The following USP6NL variants were observed in gnomAD, a reference collection of about 807,000 sequenced individuals.
USP6NL encodes USP6 N-terminal-like protein.
In USP6NL, 26 loss-of-function variants were observed where a neutral mutation model predicts 61.9. The observed-to-expected ratio is 0.42, with a 90% CI of 0.31 to 0.58. USP6NL has a LOEUF of 0.58. Among genes scored for constraint, USP6NL ranks in the 20% least tolerant of loss-of-function variants. USP6NL has a pLI of 0.16. For synonymous variants in USP6NL, 432 were observed against 390.1 expected (o/e 1.11, Z -1.27); for missense variants, 1,114 against 1,034.3 (o/e 1.08, Z -1.06).
Position 11,537,687 on chromosome 10 carries a change from T to C in USP6NL, c.5-10120A>G, listed in dbSNP as rs756687944. Among the ~76,000 whole-genome samples, 16 of 152,198 alleles carry C rather than the reference T, an allele frequency of 1.1e-4. No individual in the cohort carries two copies. Among genetic ancestry groups the C allele is most frequent in the African/African-American group, 2.9e-4 (12 of 41,452 alleles). On this transcript the variant is annotated intron_variant, in intron 2 of 14. Transcript: ENST00000609104. This position sits in a 1 kb window ranked among gnomAD's most constrained non-coding sequence, Gnocchi z 5.1. Reference sequence around the variant, plus strand: ...CCAGTTGCCAAGCAAGTAGGGTCAGTGGGGCTGGGGAGGATGCAGCAAAGC... The same window carrying C: ...CCAGTTGCCAAGCAAGTAGGGTCAGCGGGGCTGGGGAGGATGCAGCAAAGC...
chr10:11,552,190 G>T (rs1269356394), intron 2 of USP6NL, among the ~76,000 whole-genome samples: 2 of 152,076 alleles, frequency 1.3e-5, no homozygotes, highest in African/African-American at 2.4e-5. Context: ...AAAAACAAAG[G>T]TTATATTCAG....
rs765305258 is a variant in USP6NL, at chr10:11,548,750, C to G, written c.5-21183G>C. ...TATAAAATCTATATATGACCTATAT[C>G]CTCCAACCATCATTTGTTCTTCTAG... is the stretch of plus-strand genomic sequence containing the variant. On this transcript the variant is annotated intron_variant, in intron 2 of 14. Transcript: ENST00000609104. This position sits in a 1 kb window ranked among gnomAD's most constrained non-coding sequence, Gnocchi z 4.3. Among the ~76,000 whole-genome samples the G allele has an allele frequency of 5.9e-5, 9 of 152,118 alleles. No individual in the cohort carries two copies. Among genetic ancestry groups the G allele is most frequent in the Non-Finnish European group, 1.2e-4 (8 of 68,014 alleles).
At chr10:11,492,981 T>C (rs1833763815) in intron 8 of USP6NL, 138 bp downstream of exon 8, 1 of 647,116 alleles carries the variant, frequency 1.5e-6, no homozygotes, top group Non-Finnish European at 2.5e-6. Flanking sequence ...TCACACAACA[T>C]GGACGCAAAT....
chr10:11,569,079 C>G (rs1396278624), intron 2 of USP6NL, among the ~76,000 whole-genome samples: 1 of 152,124 alleles, frequency 6.6e-6, no homozygotes, highest in Non-Finnish European at 1.5e-5. Flanking sequence ...GGCATGAATC[C>G]TTTGTAAATA....
rs1019005595 is a variant in USP6NL at position 11,501,270 on chromosome 10, A to G, written c.277-62T>C. On this transcript the variant is annotated intron_variant, in intron 6 of 14. Transcript: ENST00000609104. ...GAAAAAAACTTAGATTAGTCTCTACAGTTAATCTTGCTAATATTTGTTAGC... is the reference window on the plus strand; with the variant it reads ...GAAAAAAACTTAGATTAGTCTCTACGGTTAATCTTGCTAATATTTGTTAGC... 7.9e-6 allele frequency: 10 copies of G among 1,267,896 alleles called. No homozygotes were observed. The Admixed American group carries it at 1.9e-4, about 25-fold the overall frequency. The allele number at this position is 1,267,896 out of a possible 1,614,324, so 78.5% of individuals were successfully genotyped here.
rs1203628875 is a variant in USP6NL, at chr10:11,485,891, G to T, written c.685C>A (p.Pro229Thr). 6.5e-7 allele frequency: 1 copy of T among 1,549,600 alleles called. No homozygotes were observed. The highest frequency in any genetic ancestry group is 8.7e-7 in the Non-Finnish European group (1 of 1,147,492). The change falls in exon 11 of 15, where the codon CCT becomes ACT. Residue 229 changes from proline (P) to threonine (T), a missense_variant. Pro to Thr is a conservative substitution (Grantham distance 38). Coordinates refer to ENST00000609104, the MANE Select transcript of USP6NL (RefSeq NM_014688.5). The surrounding 1 kb of genome is among the most constrained non-coding windows in gnomAD (Gnocchi z 4.8). ...TGTTCTTGAAACCTCAAGAGTTTAG[G>T]AAAACCTTGGACAAAAAAGCCTAGA... ...AMHGFFVQGF[P>T]KLLRFQEHHE...
chr10:11,560,978 A>C (rs1213706198), intron 2 of USP6NL, among the ~76,000 whole-genome samples: 1 of 152,056 alleles, frequency 6.6e-6, no homozygotes, highest in African/African-American at 2.4e-5. Flanking sequence ...TAAAGGAGTC[A>C]GAAAGCTTAA....
chr10:11,506,407 T>C (rs1048163868), intron 6 of USP6NL, among the ~76,000 whole-genome samples: 3 of 152,182 alleles, frequency 2.0e-5, no homozygotes, highest in Non-Finnish European at 4.4e-5. Context: ...TTTTGGAGGC[T>C]GAGGCAGGAG....
In USP6NL at chr10:11,485,357, A is replaced by C; in HGVS notation, c.760-123T>G. ...CTAAACACATTTACTTCTCAAAATC[A>C]CTCCAAGAATAAATTCCTCTTAGGA... is the stretch of plus-strand genomic sequence containing the variant. On this transcript the variant is annotated intron_variant, in intron 11 of 14. Coordinates refer to ENST00000609104, the MANE Select transcript of USP6NL (RefSeq NM_014688.5). This position sits in a 1 kb window ranked among gnomAD's most constrained non-coding sequence, Gnocchi z 4.8. The C allele has an allele frequency of 1.4e-6, 1 of 715,678 alleles. No individual in the cohort carries two copies. Among genetic ancestry groups the C allele is most frequent in the Non-Finnish European group, 2.2e-6 (1 of 448,324 alleles). 44.3% of individuals were successfully genotyped at this position (715,678 alleles called of 1,614,324 possible).
At chr10:11,551,865 G>T (rs541594233) in intron 2 of USP6NL, among the ~76,000 whole-genome samples, 1 of 152,148 alleles carries the variant, frequency 6.6e-6, no homozygotes, top group East Asian at 1.9e-4. Context: ...GAAATAGTTG[G>T]GGCAGCTCAA....
chr10:11,582,245 C>A (rs1007134903), intron 2 of USP6NL, among the ~76,000 whole-genome samples: 4 of 152,172 alleles, frequency 2.6e-5, no homozygotes, highest in Admixed American at 6.5e-5. Flanking sequence ...GGATTACAGG[C>A]GTAAGCAACC....
At position 11,462,596 on chromosome 10, in the gene USP6NL, G is replaced by A. The variant is rs756115153; in HGVS notation, c.2332C>T (p.Pro778Ser). Residue 778 changes from proline to serine, a missense_variant, in exon 15 of 15, where the codon CCT (proline) becomes TCT (serine). Physicochemically the swap from Pro to Ser is moderately conservative, Grantham distance 74. Coordinates refer to ENST00000609104, the MANE Select transcript of USP6NL (RefSeq NM_014688.5). ...QLAPFQDHGL[P>S]AVSVDSPVRY... is the part of the protein sequence containing the mutation. ...ACGGGACTATCTACAGAAACTGCAG[G>A]GAGGCCATGGTCCTGAAAGGGTGCG... 3 of 1,613,866 alleles carry A rather than the reference G, an allele frequency of 1.9e-6. No homozygotes were observed. The highest frequency in any genetic ancestry group is 1.1e-5 in the South Asian group (1 of 91,076).
rs1173030064 is a variant in USP6NL at position 11,476,924 on chromosome 10, T to G, written c.1078+4846A>C. ...TCTTGCTCTGTCACCCAGGCTGAAG[T>G]GCAGTGGTGCGATCTTGACTCACTG... On this transcript the variant is annotated intron_variant, in intron 14 of 14. Coordinates refer to ENST00000609104, the MANE Select transcript of USP6NL (RefSeq NM_014688.5). The surrounding 1 kb of genome is among the most constrained non-coding windows in gnomAD (Gnocchi z 4.3). Among the ~76,000 whole-genome samples the G allele has an allele frequency of 1.3e-5, 2 of 152,222 alleles. No homozygotes were observed.
At chr10:11,479,177 C>T (rs1833086887) in intron 14 of USP6NL, among the ~76,000 whole-genome samples, 1 of 152,160 alleles carries the variant, frequency 6.6e-6, no homozygotes, top group Admixed American at 6.5e-5. Context: ...CTTCATCCAG[C>T]ATGTGGAAAA....
intron 5 of USP6NL, among the ~76,000 whole-genome samples, chr10:11,512,237 T>G (rs1255346750): frequency 6.6e-6 from 1 of 152,280 alleles, no homozygotes; most frequent in South Asian, 2.1e-4. Flanking sequence ...TATCCGAAAC[T>G]ATTTTCCCAA....
intron 2 of USP6NL, among the ~76,000 whole-genome samples, chr10:11,588,648 A>G (rs892399785): frequency 2.6e-5 from 4 of 152,140 alleles, no homozygotes; most frequent in African/African-American, 9.7e-5. Context: ...TTGTAGATCT[A>G]GACATTGTTA....
chr10:11,558,335 G>A (rs1420147325), intron 2 of USP6NL, among the ~76,000 whole-genome samples: 1 of 152,120 alleles, frequency 6.6e-6, no homozygotes, highest in South Asian at 2.1e-4. Flanking sequence ...CGAAGTTCTG[G>A]CCCTTACTAA....
Position 11,491,016 on chromosome 10 carries a change from A to G in USP6NL, c.495-136T>C. ...AATTACTAATGTAATAAATTATCCC[A>G]AGTTCAAATTCAAACAACACTCTAA... On this transcript the variant is annotated intron_variant, in intron 8 of 14. Coordinates refer to ENST00000609104, the MANE Select transcript of USP6NL (RefSeq NM_014688.5). This position sits in a 1 kb window ranked among gnomAD's most constrained non-coding sequence, Gnocchi z 4.7. The G allele has an allele frequency of 1.3e-6, 1 of 745,934 alleles. No homozygotes were observed. Among genetic ancestry groups the G allele is most frequent in the Non-Finnish European group, 2.1e-6 (1 of 481,828 alleles). 46.2% of individuals were successfully genotyped at this position (745,934 alleles called of 1,614,324 possible). A position where few individuals can be genotyped will look rare whatever the true frequency, so the allele number is the denominator to read the frequency against.
intron 13 of USP6NL, among the ~76,000 whole-genome samples, chr10:11,483,149 C>A (rs1294820208): frequency 6.6e-6 from 1 of 152,144 alleles, no homozygotes; most frequent in South Asian, 2.1e-4. Flanking sequence ...CCTTCCATTT[C>A]GGAAGCTTTA....
Sources: gnomAD v4.1 joint callset for allele counts (sites outside exome capture counted in the v4.1 genomes callset) on GRCh38, gnomAD v4.1.1 for gene constraint, Gnocchi (gnomAD v3.1) non-coding constraint, MANE v1.5 for transcripts, NCBI Gene and HGNC (gene_info 2026-07-23, HGNC 2026-07-21) for gene names.